The following KNSTRN variants were observed in gnomAD, a reference collection of about 807,000 sequenced individuals.
KNSTRN encodes the protein kinetochore localized astrin (SPAG5) binding protein.
A neutral mutation model predicts 44.7 loss-of-function variants in KNSTRN; 38 were observed. The observed-to-expected ratio is 0.85, with a 90% confidence interval of 0.66 to 1.11. The LOEUF (loss-of-function observed/expected upper bound fraction) is 1.11, where lower values mean the gene tolerates loss of function less well. KNSTRN is among the 50% of genes most tolerant of loss of function. The probability of loss-of-function intolerance (pLI) is 0.00; values close to 1 mark genes in which losing one functional copy is unlikely to be tolerated. For missense variants in KNSTRN, 406 were observed against 375.8 expected (o/e 1.08, Z -0.66); for synonymous variants, 158 against 148.1 (o/e 1.07, Z -0.48).
intron 3 of KNSTRN, 143 bp downstream of exon 3, chr15:40,386,637 TGA>T: frequency 1.3e-6 from 1 of 762,930 alleles, no homozygotes; most frequent in Non-Finnish European, 2.1e-6. Flanking sequence ...GCAGCATTGC[TGA>T]GCTCTGTGCC....
Position 40,382,986 on chromosome 15 carries a change from G to T in KNSTRN, c.151G>T (p.Ala51Ser). 6.2e-7 allele frequency: 1 copy of T among 1,612,166 alleles called. No homozygotes were observed. The highest frequency in any genetic ancestry group is 8.5e-7 in the Non-Finnish European group (1 of 1,180,042). ...CTTAGCCGGTGGCACGACAGTTGCTGCAGGGAATCTTTTAAACGAGAGCGA... is the reference window on the plus strand; with the variant it reads ...CTTAGCCGGTGGCACGACAGTTGCTTCAGGGAATCTTTTAAACGAGAGCGA... ...ADLAGGTTVA[A>S]GNLLNESEKD... Residue 51 changes from alanine (A) to serine (S), a missense_variant, in exon 1 of 9, where the codon GCA becomes TCA. Transcript: ENST00000249776.
intron 4 of KNSTRN, among the ~76,000 whole-genome samples, chr15:40,387,691 CTAT>C (rs1345110198): frequency 2.6e-5 from 4 of 152,098 alleles, no homozygotes; most frequent in African/African-American, 4.8e-5. Context: ...AGTTCCAGAT[CTAT>C]TATTTGGGCA....
At chr15:40,389,338 C>T in intron 4 of KNSTRN, 168 bp from the exon 5 acceptor site, 1 of 578,796 alleles carries the variant, frequency 1.7e-6, no homozygotes, top group East Asian at 3.1e-5. Flanking sequence ...TTAGTAGAGA[C>T]AGGGTTTCTC....
intron 3 of KNSTRN, chr15:40,386,936 T>C (rs1595738406): frequency 3.4e-6 from 2 of 583,692 alleles, no homozygotes; most frequent in Non-Finnish European, 6.1e-6. Context: ...CTCTGTCAGG[T>C]TGTTAGGGTG....
At chr15:40,383,174 C>T (rs1204230679) in intron 1 of KNSTRN, 54 bp from the exon 2 acceptor site, 3 of 1,584,472 alleles carry the variant, frequency 1.9e-6, no homozygotes, top group Admixed American at 1.7e-5. Context: ...GGGCCCTCCA[C>T]TCTCTCGGGC....
intron 8 of KNSTRN, chr15:40,393,267 A>G (rs767611992): frequency 9.3e-6 from 15 of 1,612,552 alleles, no homozygotes; most frequent in Middle Eastern, 1.6e-4. Flanking sequence ...ACAGGAGTCT[A>G]GTCCCTCTCT....
Position 40,393,485 on chromosome 15 carries a change from T to C in KNSTRN, c.839T>C (p.Leu280Pro), listed in dbSNP as rs1890038509. 1 of 1,613,588 alleles carries C rather than the reference T, an allele frequency of 6.2e-7. No individual in the cohort carries two copies. The highest frequency in any genetic ancestry group is 1.3e-5 in the African/African-American group (1 of 74,916). Residue 280 changes from leucine to proline, a missense_variant, in exon 9 of 9, where the codon CTG (leucine) becomes CCG (proline). Physicochemically the swap from Leu to Pro is moderately conservative, Grantham distance 98. Transcript: ENST00000249776. ...TCCATGCAGGCCTTAAAGGTAAAGC[T>C]GGAGATGAAAGAGGAAAGAGTCCGA... is the stretch of plus-strand genomic sequence containing the variant. ...MEELQALKVK[L>P]EMKEERVRFL...
intron 2 of KNSTRN, among the ~76,000 whole-genome samples, chr15:40,386,120 G>A (rs28676855): frequency 3.3e-5 from 5 of 152,060 alleles, no homozygotes; most frequent in African/African-American, 1.2e-4. Context: ...CCAGCTACTC[G>A]GGAGGCTGAG....
At chr15:40,393,018 T>C (rs904652233) in intron 8 of KNSTRN, among the ~76,000 whole-genome samples, 1 of 151,742 alleles carries the variant, frequency 6.6e-6, no homozygotes, top group Non-Finnish European at 1.5e-5. Flanking sequence ...TTTTTTTTTC[T>C]GTTACCGAGG....
intron 3 of KNSTRN, 167 bp downstream of exon 3, chr15:40,386,661 T>C: frequency 1.5e-6 from 1 of 650,454 alleles, no homozygotes; most frequent in Non-Finnish European, 2.6e-6. Context: ...GAACCCTCTG[T>C]GTTGATCTTT....
Position 40,393,724 on chromosome 15 carries a change from G to T in KNSTRN, c.*127G>T. On this transcript the variant is annotated 3_prime_UTR_variant, in exon 9 of 9. Coordinates refer to ENST00000249776, the MANE Select transcript of KNSTRN (RefSeq NM_033286.4). ...CAGAATGAAAACAATTTCTACAGTAGACTTAAGGACAGTTTATGCTGAAAT... is the reference window on the plus strand; with the variant it reads ...CAGAATGAAAACAATTTCTACAGTATACTTAAGGACAGTTTATGCTGAAAT... The T allele has an allele frequency of 1.2e-6, 1 of 864,366 alleles. No homozygotes were observed. Among genetic ancestry groups the T allele is most frequent in the Non-Finnish European group, 1.7e-6 (1 of 573,898 alleles). The allele number at this position is 864,366 out of a possible 1,614,324, so 53.5% of individuals were successfully genotyped here. A position where few individuals can be genotyped will look rare whatever the true frequency, so the allele number is the denominator to read the frequency against.
intron 3 of KNSTRN, 176 bp downstream of exon 3, chr15:40,386,670 T>C: frequency 1.6e-6 from 1 of 620,462 alleles, no homozygotes. Flanking sequence ...GTGTTGATCT[T>C]TCTGAAGAGA....
intron 8 of KNSTRN, chr15:40,393,207 T>C: frequency 1.2e-6 from 2 of 1,613,900 alleles, no homozygotes; most frequent in South Asian, 1.1e-5. Flanking sequence ...CTTGGATGAA[T>C]CATGGGATAT....
Position 40,393,788 on chromosome 15 carries a change from G to T in KNSTRN, c.*191G>T. The stretch of plus-strand genomic sequence containing the variant: ...TTAAGCAAGTTTTCCCAACCTTCAG[G>T]TTGGTCAGCCCTCCTGAGCCTCACA... On this transcript the variant is annotated 3_prime_UTR_variant, in exon 9 of 9. Transcript: ENST00000249776. 2.1e-6 allele frequency: 1 copy of T among 476,976 alleles called. No homozygotes were observed. Among genetic ancestry groups the T allele is most frequent in the Non-Finnish European group, 3.6e-6 (1 of 274,568 alleles). 29.5% of individuals were successfully genotyped at this position (476,976 alleles called of 1,614,324 possible). A position where few individuals can be genotyped will look rare whatever the true frequency, so the allele number is the denominator to read the frequency against.
At chr15:40,391,847 G>T in intron 7 of KNSTRN, 102 bp from the exon 8 acceptor site, 1 of 877,222 alleles carries the variant, frequency 1.1e-6, no homozygotes, top group South Asian at 1.7e-5. Context: ...TTTCTCTCCT[G>T]ACTCCTTTGT....
intron 2 of KNSTRN, among the ~76,000 whole-genome samples, chr15:40,385,784 T>C (rs1353096799): frequency 1.3e-5 from 2 of 152,218 alleles, no homozygotes; most frequent in Non-Finnish European, 2.9e-5. Context: ...TCTCTGCTGG[T>C]GTCCATCTCC....
Position 40,383,314 on chromosome 15 carries a change from A to C in KNSTRN, c.296A>C (p.Gln99Pro). ...CCCCCCTCTGCGCTGAGCGGCGGCC[A>C]GCCGGCAGGTGAGGGTCCAAGCCAC... ...LQPPSALSGG[Q>P]PADTQTRATS... is the part of the protein sequence containing the mutation. The change falls in exon 2 of 9, where the codon CAG (glutamine) becomes CCG (proline). Residue 99 changes from glutamine (Q) to proline (P), a missense_variant. Coordinates refer to ENST00000249776, the MANE Select transcript of KNSTRN (RefSeq NM_033286.4). 6.2e-7 allele frequency: 1 copy of C among 1,610,706 alleles called. No individual in the cohort carries two copies. Among genetic ancestry groups the C allele is most frequent in the Non-Finnish European group, 8.5e-7 (1 of 1,177,706 alleles).
chr15:40,391,420 C>A, intron 6 of KNSTRN, 73 bp from the exon 7 acceptor site: 1 of 1,192,776 alleles, frequency 8.4e-7, no homozygotes. Flanking sequence ...TACTTGTCCA[C>A]GGAGGGTTTT....
chr15:40,390,707 T>C (rs996392953), intron 6 of KNSTRN, among the ~76,000 whole-genome samples: 1 of 152,084 alleles, frequency 6.6e-6, no homozygotes, highest in Non-Finnish European at 1.5e-5. Flanking sequence ...CTCCTCCTCC[T>C]GGGTTCAAGT....
Sources: allele counts gnomAD v4.1 joint callset (sites outside exome capture counted in the v4.1 genomes callset), GRCh38; gene constraint gnomAD v4.1.1; transcripts MANE v1.5; gene names NCBI Gene and HGNC (gene_info 2026-07-23, HGNC 2026-07-21).